The following STK31 variants were observed in gnomAD, a reference collection of about 807,000 sequenced individuals.
STK31 encodes the protein serine/threonine kinase 31.
STK31 carries 89 observed loss-of-function variants against 129.7 expected under a neutral mutation model. That is an observed-to-expected ratio of 0.69 (90% CI 0.58 to 0.82). STK31 has a LOEUF of 0.82. Among genes scored for constraint, STK31 ranks in the 40% least tolerant of loss-of-function variants. STK31 has a pLI of 0.00. For synonymous variants in STK31, 448 were observed against 395.3 expected, an observed-to-expected ratio of 1.13 and a Z score of -1.58; for missense variants, 1,187 against 1,176.4, an observed-to-expected ratio of 1.01 and a Z score of -0.13.
intron 23 of STK31, among the ~76,000 whole-genome samples, chr7:23,825,577 GT>G (rs1194822411): frequency 6.6e-6 from 1 of 152,198 alleles, no homozygotes; most frequent in Admixed American, 6.5e-5. Flanking sequence ...TTTTTGAAGG[GT>G]TTTTTGTGTC....
intron 23 of STK31, among the ~76,000 whole-genome samples, chr7:23,820,047 G>A (rs929257359): frequency 6.6e-6 from 1 of 152,222 alleles, no homozygotes; most frequent in African/African-American, 2.4e-5. Context: ...AAAAGAGGGA[G>A]AAGGAAGTAA....
intron 22 of STK31, among the ~76,000 whole-genome samples, chr7:23,807,609 A>G (rs941618423): frequency 6.6e-6 from 1 of 152,070 alleles, no homozygotes; most frequent in Non-Finnish European, 1.5e-5. Context: ...AAGTTCAGCA[A>G]TTATTTACTC....
Position 23,754,450 on chromosome 7 carries a change from G to T in STK31, c.1269G>T (p.Glu423Asp). ...IIWAEYSLAQ[E>D]NIKTCEYVSE... ...GGGCAGAATACAGTCTGGCTCAGGA[G>T]AATATTAAAACTTGTGAATATGTGG... The change falls in exon 10 of 24, where the codon GAG becomes GAT. Residue 423 changes from glutamate to aspartate, a missense_variant. Coordinates refer to ENST00000355870, the MANE Select transcript of STK31 (RefSeq NM_031414.5). 6.2e-7 allele frequency: 1 copy of T among 1,611,730 alleles called. No individual in the cohort carries two copies. The highest frequency in any genetic ancestry group is 1.1e-5 in the South Asian group (1 of 90,204).
At chr7:23,757,225 C>T (rs570271151) in intron 10 of STK31, among the ~76,000 whole-genome samples, 1 of 152,184 alleles carries the variant, frequency 6.6e-6, no homozygotes, top group South Asian at 2.1e-4. Flanking sequence ...TGGCCAGCCC[C>T]TGCACACCTG....
chr7:23,727,796 G>C (rs966358156), intron 5 of STK31, among the ~76,000 whole-genome samples: 1 of 151,746 alleles, frequency 6.6e-6, no homozygotes, highest in Non-Finnish European at 1.5e-5. Flanking sequence ...CTGACCTCAG[G>C]TGATCCGTCC....
At chr7:23,717,097 C>CTTTTTTTTTTTTTTTTTTTTTTTTTTT (rs70956911) in intron 3 of STK31, among the ~76,000 whole-genome samples, 2 of 42,936 alleles carry the variant, frequency 4.7e-5, no homozygotes, top group Non-Finnish European at 8.4e-5. Flanking sequence ...TCGCAACCTG[C>CTTTTTTTTTTTTTTTTTTTTTTTTTTT]TTTTTTTTTT....
At chr7:23,776,743 A>G (rs1790573009) in intron 15 of STK31, among the ~76,000 whole-genome samples, 1 of 151,834 alleles carries the variant, frequency 6.6e-6, no homozygotes. Flanking sequence ...TGGTCTATCT[A>G]TTTTGTTGAT....
At chr7:23,726,069 C>G (rs1014468299) in intron 4 of STK31, 1 of 152,186 alleles carries the variant, frequency 6.6e-6, no homozygotes, top group Non-Finnish European at 1.5e-5. Context: ...GGATCTGCCT[C>G]TACTATCCAA....
intron 11 of STK31, among the ~76,000 whole-genome samples, chr7:23,766,538 G>A (rs564503071): frequency 4.4e-4 from 67 of 152,296 alleles, no homozygotes; most frequent in Non-Finnish European, 9.0e-4. Context: ...ACAGGTGTGA[G>A]CCAAAGTGCC....
At chr7:23,767,863 G>C (rs1789928716) in intron 11 of STK31, among the ~76,000 whole-genome samples, 1 of 152,088 alleles carries the variant, frequency 6.6e-6, no homozygotes, top group Non-Finnish European at 1.5e-5. Flanking sequence ...ACCATCCTCT[G>C]CCTAAGATTT....
At chr7:23,766,947 T>A (rs1235669187) in intron 11 of STK31, among the ~76,000 whole-genome samples, 1 of 152,208 alleles carries the variant, frequency 6.6e-6, no homozygotes, top group Non-Finnish European at 1.5e-5. Context: ...TTTGGAGGGA[T>A]CCTTGACTTA....
intron 22 of STK31, among the ~76,000 whole-genome samples, chr7:23,814,206 C>T (rs559777387): frequency 1.7e-5 from 2 of 120,022 alleles, no homozygotes; most frequent in South Asian, 5.4e-4. Flanking sequence ...TATGTTGTTC[C>T]TCTAGTCCTG....
intron 23 of STK31, among the ~76,000 whole-genome samples, chr7:23,823,837 C>A (rs1261511972): frequency 1.3e-5 from 2 of 152,140 alleles, no homozygotes; most frequent in East Asian, 1.9e-4. Flanking sequence ...GGTCCCAGCA[C>A]CATTTATTAA....
At chr7:23,809,802 A>G (rs1792970656) in intron 22 of STK31, among the ~76,000 whole-genome samples, 1 of 145,538 alleles carries the variant, frequency 6.9e-6, no homozygotes, top group Non-Finnish European at 1.5e-5. Context: ...ACCGTAACAT[A>G]CAATATGGGG....
Position 23,710,353 on chromosome 7 carries a change from T to G in STK31, c.50+18T>G. 1.2e-6 allele frequency: 2 copies of G among 1,613,464 alleles called. No individual in the cohort carries two copies. Among genetic ancestry groups the G allele is most frequent in the Non-Finnish European group, 1.7e-6 (2 of 1,179,910 alleles). On this transcript the variant is annotated intron_variant, in intron 1 of 23. Transcript: ENST00000355870. ...AGTGTGAGGTCAGTAGTAGTTTTTG[T>G]GGTACGTGCAGTGGTGGCCGCTTCA...
At chr7:23,827,842 A>G (rs192776266) in intron 23 of STK31, among the ~76,000 whole-genome samples, 1 of 152,236 alleles carries the variant, frequency 6.6e-6, no homozygotes, top group Non-Finnish European at 1.5e-5. Flanking sequence ...GGTCTGTTGT[A>G]GTTTACTGGA....
chr7:23,823,596 G>A (rs980036735), intron 23 of STK31, among the ~76,000 whole-genome samples: 9 of 152,104 alleles, frequency 5.9e-5, no homozygotes, highest in Admixed American at 5.2e-4. Context: ...AAGCTCTTTA[G>A]TTTAATTAGA....
chr7:23,763,975 G>A (rs909596545), intron 11 of STK31, among the ~76,000 whole-genome samples: 2 of 152,168 alleles, frequency 1.3e-5, no homozygotes, highest in Non-Finnish European at 2.9e-5. Flanking sequence ...ACTGCAGGGA[G>A]TAAGCTTGCT....
At chr7:23,710,714 A>G (rs1785901991) in intron 1 of STK31, 2 of 1,080,368 alleles carry the variant, frequency 1.9e-6, no homozygotes, top group Admixed American at 4.6e-5. Context: ...TGGACGTACT[A>G]TTTTGTGATC....
Sources: gnomAD v4.1 joint callset for allele counts (sites outside exome capture counted in the v4.1 genomes callset) on GRCh38, gnomAD v4.1.1 for gene constraint, MANE v1.5 for transcripts, NCBI Gene and HGNC (gene_info 2026-07-23, HGNC 2026-07-21) for gene names.